Variants in RAB37 observed in about 807,000 individuals in gnomAD.
The protein encoded by RAB37 is RAB37, member RAS oncogene family, also known as ras-related protein Rab-37.
In RAB37, 29 loss-of-function variants were observed where a neutral mutation model predicts 33.1. The observed-to-expected ratio is 0.88, with a 90% confidence interval of 0.65 to 1.20. The LOEUF (loss-of-function observed/expected upper bound fraction) is 1.20, where lower values mean the gene tolerates loss of function less well. Among genes scored for constraint, RAB37 ranks in the 50% most tolerant of loss-of-function variants. The probability of loss-of-function intolerance (pLI) is 0.00; values close to 1 mark genes in which losing one functional copy is unlikely to be tolerated. For missense variants in RAB37, 299 were observed against 301.1 expected (o/e 0.99, Z 0.05); for synonymous variants, 128 against 119.5 (o/e 1.07, Z -0.47).
intron 1 of RAB37, among the ~76,000 whole-genome samples, chr17:74,723,960 A>G (rs932097802): frequency 6.6e-6 from 1 of 152,192 alleles, no homozygotes; most frequent in Non-Finnish European, 1.5e-5. Context: ...CAGCTTCTCC[A>G]AGCAGTGAAA....
intron 1 of RAB37, among the ~76,000 whole-genome samples, chr17:74,724,282 A>G (rs2034278168): frequency 6.6e-6 from 1 of 152,222 alleles, no homozygotes; most frequent in Non-Finnish European, 1.5e-5. Context: ...AAGGCAGAAG[A>G]CTGGAAACAT....
In RAB37 at chr17:74,730,142, G is replaced by A. The variant is rs1008844413; in HGVS notation, c.183+776G>A. ...GCCCTTGAATTCCTGGGAAGACCTTGGGAGAGGGTTCCACTCCTCTCTCGG... is the reference window on the plus strand; with the variant it reads ...GCCCTTGAATTCCTGGGAAGACCTTAGGAGAGGGTTCCACTCCTCTCTCGG... On this transcript the variant is annotated intron_variant, in intron 2 of 7. Transcript: ENST00000340415. The surrounding 1 kb of genome is among the most constrained non-coding windows in gnomAD (Gnocchi z 4.4). Among the ~76,000 whole-genome samples, 8 of 152,160 alleles carry A rather than the reference G, an allele frequency of 5.3e-5. No homozygotes were observed. The highest frequency in any genetic ancestry group is 1.0e-4 in the Non-Finnish European group (7 of 68,024).
In RAB37 at chr17:74,729,784, T is replaced by C. The variant is rs1249799132; in HGVS notation, c.183+418T>C. On this transcript the variant is annotated intron_variant, in intron 2 of 7. Coordinates refer to the RAB37 transcript ENST00000340415. This position sits in a 1 kb window ranked among gnomAD's most constrained non-coding sequence, Gnocchi z 4.2. ...CCCATCTCCTTCTGGGGCTCCACAT[T>C]GGATGAACGCAAGTGGAAGCCAGAA... Among the ~76,000 whole-genome samples, 1 of 152,084 alleles carries C rather than the reference T, an allele frequency of 6.6e-6. No homozygotes were observed. Among genetic ancestry groups the C allele is most frequent in the East Asian group, 1.9e-4 (1 of 5,150 alleles).
chr17:74,671,721 C>T lies in RAB37; in HGVS notation c.72+63C>T. On this transcript the variant is annotated intron_variant, in intron 1 of 7. Coordinates refer to the RAB37 transcript ENST00000340415. This position sits in a 1 kb window ranked among gnomAD's most constrained non-coding sequence, Gnocchi z 5.0. ...GAGGCGCCAGCACCAGGAGTTTTCT[C>T]CACTCCCCTGACTTTGCTTTGGGAC... 1 of 1,444,884 alleles carries T rather than the reference C, an allele frequency of 6.9e-7. No homozygotes were observed. Among genetic ancestry groups the T allele is most frequent in the South Asian group, 1.1e-5 (1 of 87,366 alleles). 89.5% of individuals were successfully genotyped at this position (1,444,884 alleles called of 1,614,324 possible). A position where few individuals can be genotyped will look rare whatever the true frequency, so the allele number is the denominator to read the frequency against.
chr17:74,708,644 C>T (rs763219164), intron 1 of RAB37, among the ~76,000 whole-genome samples: 4 of 152,190 alleles, frequency 2.6e-5, no homozygotes, highest in Admixed American at 6.6e-5. Context: ...AGGCTGGACG[C>T]GGTGGCTTAC....
At chr17:74,741,309 C>T (rs905455659) in intron 2 of RAB37, among the ~76,000 whole-genome samples, 2 of 152,032 alleles carry the variant, frequency 1.3e-5, no homozygotes, top group African/African-American at 4.8e-5. Context: ...GGGCTTGGGC[C>T]GGGCATGGTG....
Position 74,737,315 on chromosome 17 carries a change from GC to G in RAB37, c.48del (p.Glu17SerfsTer16). ...PGAVATRDGE[A>X]PERSPPCSPS... ...CGCCGTTGCCACCCGGGATGGCGAG[GC>G]CCCCGAGCGCTCCCCGCCCTGCAGT... is the stretch of plus-strand genomic sequence containing the variant. On this transcript the variant is annotated frameshift_variant, in exon 1 of 9. Transcript: ENST00000392613. LOFTEE classifies it high-confidence loss of function. The G allele has an allele frequency of 1.9e-6, 3 of 1,577,170 alleles. No individual in the cohort carries two copies. Among genetic ancestry groups the G allele is most frequent in the Admixed American group, 1.8e-5 (1 of 56,354 alleles).
At chr17:74,740,700 GTC>G in intron 1 of RAB37, 66 bp from the exon 2 acceptor site, 1 of 1,088,840 alleles carries the variant, frequency 9.2e-7, no homozygotes, top group Non-Finnish European at 1.4e-6. Flanking sequence ...CTCTCCATGT[GTC>G]TCTCTCCTGG....
At chr17:74,680,095 T>A (rs570978494) in intron 1 of RAB37, among the ~76,000 whole-genome samples, 1 of 152,148 alleles carries the variant, frequency 6.6e-6, no homozygotes, top group South Asian at 2.1e-4. Flanking sequence ...GCATGCCATG[T>A]AATATTCTAA....
intron 1 of RAB37, among the ~76,000 whole-genome samples, chr17:74,684,903 C>T (rs987410036): frequency 5.0e-5 from 7 of 140,616 alleles, no homozygotes; most frequent in African/African-American, 8.1e-5. Flanking sequence ...ATAGATAGAT[C>T]CATCATAGGA....
intron 1 of RAB37, among the ~76,000 whole-genome samples, chr17:74,725,366 A>G (rs897014061): frequency 6.6e-6 from 1 of 152,156 alleles, no homozygotes; most frequent in African/African-American, 2.4e-5. Flanking sequence ...GCCCCTGCAA[A>G]TCGTCACCCC....
At chr17:74,732,016 A>G (rs1346276129) in intron 2 of RAB37, among the ~76,000 whole-genome samples, 2 of 151,172 alleles carry the variant, frequency 1.3e-5, no homozygotes, top group Non-Finnish European at 3.0e-5. Context: ...TCTCAAAACA[A>G]CAACAACAAA....
At position 74,730,088 on chromosome 17, in the gene RAB37, C is replaced by A. The variant is rs375348331; in HGVS notation, c.183+722C>A. ...TCCTTTACCACACATCCCATCTCCC[C>A]GCGTTGTCCCGTGCCTGCGGCTGCA... On this transcript the variant is annotated intron_variant, in intron 2 of 7. Transcript: ENST00000340415. The surrounding 1 kb of genome is among the most constrained non-coding windows in gnomAD (Gnocchi z 4.4). Among the ~76,000 whole-genome samples the A allele has an allele frequency of 6.6e-6, 1 of 152,174 alleles. No homozygotes were observed. The highest frequency in any genetic ancestry group is 2.4e-5 in the African/African-American group (1 of 41,460).
Position 74,744,464 on chromosome 17 carries a change from C to A in RAB37, c.432+91C>A. ...CACCCAAGAACAGTTATCTAGGCAT[C>A]CTTCCTGAAAAGGACTCTGCAGCCT... On this transcript the variant is annotated intron_variant, in intron 6 of 8. Coordinates refer to ENST00000392613, the MANE Select transcript of RAB37 (RefSeq NM_001006638.3). The surrounding 1 kb of genome is among the most constrained non-coding windows in gnomAD (Gnocchi z 4.2). The A allele has an allele frequency of 7.8e-7, 1 of 1,275,440 alleles. No homozygotes were observed. Among genetic ancestry groups the A allele is most frequent in the Non-Finnish European group, 1.1e-6 (1 of 876,766 alleles). The allele number at this position is 1,275,440 out of a possible 1,614,324, so 79.0% of individuals were successfully genotyped here.
At position 74,745,400 on chromosome 17, in the gene RAB37, T is replaced by G. The variant is rs201555817; in HGVS notation, c.661T>G (p.Ser221Ala). The G allele has an allele frequency of 1.6e-4, 256 of 1,613,738 alleles. No homozygotes were observed. Among genetic ancestry groups the G allele is most frequent in the Admixed American group, 3.0e-4 (18 of 60,026 alleles). Residue 221 changes from serine (S) to alanine (A), a missense_variant, in exon 9 of 9, where the codon TCC (serine) becomes GCC (alanine). Ser to Ala is a moderately conservative substitution (Grantham distance 99). Transcript: ENST00000392613. This position sits in a 1 kb window ranked among gnomAD's most constrained non-coding sequence, Gnocchi z 4.5. ...ESQKKRSSCCSFM is the reference protein window; with the variant it reads ...ESQKKRSSCCAFM The stretch of plus-strand genomic sequence containing the variant: ...CCAGAAGAAGCGCTCCAGCTGCTGC[T>G]CCTTCATGTGAATCCCAGGGGGCAG...
chr17:74,733,974 T>C (rs1043403755), upstream of RAB37, among the ~76,000 whole-genome samples: 2 of 152,132 alleles, frequency 1.3e-5, no homozygotes, highest in Non-Finnish European at 2.9e-5. Context: ...TCCAGACTAG[T>C]GCAGCAACGC....
At position 74,671,270 on chromosome 17, in the gene RAB37, C is replaced by A. The variant is rs1304243830; in HGVS notation, c.-317C>A. On this transcript the variant is annotated 5_prime_UTR_variant, in exon 1 of 8. Transcript: ENST00000340415. The surrounding 1 kb of genome is among the most constrained non-coding windows in gnomAD (Gnocchi z 5.0). ...GATCACCAGCCGGACCCAAATCTTG[C>A]GTCCCTGCCAGCATCCTGGAGTCCT... 6 of 320,936 alleles carry A rather than the reference C, an allele frequency of 1.9e-5. No individual in the cohort carries two copies. The highest frequency in any genetic ancestry group is 3.5e-5 in the Non-Finnish European group (6 of 172,114). The allele number at this position is 320,936 out of a possible 1,614,324, so 19.9% of individuals were successfully genotyped here. A position where few individuals can be genotyped will look rare whatever the true frequency, so the allele number is the denominator to read the frequency against.
At position 74,740,665 on chromosome 17, in the gene RAB37, C is replaced by T. The variant is rs1278188857; in HGVS notation, c.94-103C>T. 7 of 837,074 alleles carry T rather than the reference C, an allele frequency of 8.4e-6. No individual in the cohort carries two copies. In the East Asian group the frequency reaches 1.2e-4, roughly 15 times the overall value. The allele number at this position is 837,074 out of a possible 1,614,324, so 51.9% of individuals were successfully genotyped here. ...GGTGGCCTTTGGTGCGGTCAGCATT[C>T]GTGCCAGCCCCCTCTTCTCTGATCC... On this transcript the variant is annotated intron_variant, in intron 1 of 8. Transcript: ENST00000392613.
intron 1 of RAB37, among the ~76,000 whole-genome samples, chr17:74,688,350 G>A (rs2143496049): frequency 6.6e-6 from 1 of 152,240 alleles, no homozygotes; most frequent in African/African-American, 2.4e-5. Context: ...AGGAGTTCGA[G>A]ACCAGCCTGG....
Sources: allele counts gnomAD v4.1 joint callset (sites outside exome capture counted in the v4.1 genomes callset), GRCh38; gene constraint gnomAD v4.1.1; non-coding constraint Gnocchi (gnomAD v3.1); transcripts MANE v1.5; gene names NCBI Gene and HGNC (gene_info 2026-07-23, HGNC 2026-07-21).